The following SLC22A23 variants were observed in gnomAD, a reference collection of about 807,000 sequenced individuals.
SLC22A23 encodes the protein solute carrier family 22 member 23.
A neutral mutation model predicts 61.0 loss-of-function variants in SLC22A23; 26 were observed. The ratio of observed to expected loss-of-function variants is 0.43; its 90% CI spans 0.31 to 0.59. SLC22A23 has a LOEUF of 0.59. SLC22A23 is among the 20% of genes least tolerant of loss of function. The pLI is 0.11. For synonymous variants in SLC22A23, 430 were observed against 413.9 expected, an observed-to-expected ratio of 1.04 and a Z score of -0.47; for missense variants, 796 against 934.7, an observed-to-expected ratio of 0.85 and a Z score of 1.94.
chr6:3,449,044 C>T (rs1772049529), intron 1 of SLC22A23, among the ~76,000 whole-genome samples: 1 of 152,198 alleles, frequency 6.6e-6, no homozygotes, highest in Non-Finnish European at 1.5e-5. Context: ...CTAATCCTTA[C>T]ATTAATAAGG....
At chr6:3,435,002 A>C (rs1771113592) in intron 1 of SLC22A23, among the ~76,000 whole-genome samples, 1 of 152,104 alleles carries the variant, frequency 6.6e-6, no homozygotes. Flanking sequence ...GCCCCAACCC[A>C]TCCACACTGC....
chr6:3,456,295 C>T lies in SLC22A23; in HGVS notation c.265G>A (p.Gly89Arg), dbSNP rs1482547202. 6.4e-7 allele frequency: 1 copy of T among 1,551,076 alleles called. No homozygotes were observed. Among genetic ancestry groups the T allele is most frequent in the Admixed American group, 2.0e-5 (1 of 50,988 alleles). The change falls in exon 1 of 10, where the codon GGG becomes AGG. Residue 89 changes from glycine to arginine, a missense_variant. Physicochemically the swap from Gly to Arg is moderately radical, Grantham distance 125. Transcript: ENST00000406686. The surrounding 1 kb of genome is among the most constrained non-coding windows in gnomAD (Gnocchi z 7.1). The part of the protein sequence containing the change: ...DYDGSVLPFL[G>R]GLGGGYQKTL... ...TTCTGATAGCCCCCGCCCAGGCCCC[C>T]GAGGAAGGGCAGCACCGACCCGTCA...
Position 3,305,467 on chromosome 6 carries a change from A to G in SLC22A23, c.1083-7249T>C, listed in dbSNP as rs191902495. Among the ~76,000 whole-genome samples the G allele has an allele frequency of 2.1e-3, 323 of 152,266 alleles. 2 individuals carry two copies. The highest frequency in any genetic ancestry group is 3.7e-3 in the Non-Finnish European group (252 of 68,022). On this transcript the variant is annotated intron_variant, in intron 4 of 9. Coordinates refer to ENST00000406686, the MANE Select transcript of SLC22A23 (RefSeq NM_015482.2). ...CTTAAGTTTTATGACGCGCTCCGTG[A>G]ATTTAAATTTGCTGCAAAATCATGA...
chr6:3,330,578 G>A lies in SLC22A23; in HGVS notation c.914-6576C>T, dbSNP rs186997185. Among the ~76,000 whole-genome samples the A allele has an allele frequency of 6.6e-6, 1 of 152,326 alleles. No individual in the cohort carries two copies. The highest frequency in any genetic ancestry group is 2.4e-5 in the African/African-American group (1 of 41,566). On this transcript the variant is annotated intron_variant, in intron 3 of 9. Transcript: ENST00000406686. The surrounding 1 kb of genome is among the most constrained non-coding windows in gnomAD (Gnocchi z 4.7). ...TTACTGCCACAGGCAAGGACGCATGGCCCCCAGAATCCTGGAAAATAGACT... is the reference window on the plus strand; with the variant it reads ...TTACTGCCACAGGCAAGGACGCATGACCCCCAGAATCCTGGAAAATAGACT...
At chr6:3,321,241 C>T (rs1762929226) in intron 4 of SLC22A23, among the ~76,000 whole-genome samples, 2 of 152,218 alleles carry the variant, frequency 1.3e-5, no homozygotes, top group African/African-American at 4.8e-5. Flanking sequence ...CATGAGACAA[C>T]GCGGGCTCAG....
At position 3,427,357 on chromosome 6, in the gene SLC22A23, C is replaced by G. The variant is rs1333198044; in HGVS notation, c.655-11502G>C. Among the ~76,000 whole-genome samples the G allele has an allele frequency of 6.6e-6, 1 of 150,660 alleles. No homozygotes were observed. Among genetic ancestry groups the G allele is most frequent in the Non-Finnish European group, 1.5e-5 (1 of 67,484 alleles). On this transcript the variant is annotated intron_variant, in intron 1 of 9. Transcript: ENST00000406686. This position sits in a 1 kb window ranked among gnomAD's most constrained non-coding sequence, Gnocchi z 4.3. ...CATTTTGGATCTGAGAGTAATAAAA[C>G]TACTTCAAAAAGGGTTTTGATTACT... is the stretch of plus-strand genomic sequence containing the variant.
intron 3 of SLC22A23, among the ~76,000 whole-genome samples, chr6:3,363,555 C>T (rs1308183726): frequency 3.3e-5 from 5 of 152,202 alleles, no homozygotes; most frequent in African/African-American, 1.2e-4. Flanking sequence ...CTGCTGCCTG[C>T]GGCTGGCCCT....
At chr6:3,383,155 A>G (rs912364875) in intron 3 of SLC22A23, among the ~76,000 whole-genome samples, 10 of 152,212 alleles carry the variant, frequency 6.6e-5, no homozygotes, top group African/African-American at 2.4e-4. Context: ...ATAAAGCTAT[A>G]AAGATCAACA....
chr6:3,286,674 G>T lies in SLC22A23; in HGVS notation c.1546+185C>A, dbSNP rs962184269. Among the ~76,000 whole-genome samples, 1 of 152,206 alleles carries T rather than the reference G, an allele frequency of 6.6e-6. No homozygotes were observed. The highest frequency in any genetic ancestry group is 1.5e-5 in the Non-Finnish European group (1 of 68,032). On this transcript the variant is annotated intron_variant, in intron 7 of 9. Transcript: ENST00000406686. This position sits in a 1 kb window ranked among gnomAD's most constrained non-coding sequence, Gnocchi z 4.2. ...GGGCAGGGGCAGGGGGAGGCGGGAA[G>T]GCCCAGTGCCCTCTAAGGCGGGCTC... is the stretch of plus-strand genomic sequence containing the variant.
intron 6 of SLC22A23, among the ~76,000 whole-genome samples, chr6:3,288,668 A>C (rs1432754350): frequency 2.0e-5 from 3 of 152,228 alleles, no homozygotes; most frequent in Admixed American, 6.5e-5. Flanking sequence ...CTTATGTCAA[A>C]TTTCATGTTT....
chr6:3,346,271 C>T (rs748602126), intron 3 of SLC22A23, among the ~76,000 whole-genome samples: 44 of 152,210 alleles, frequency 2.9e-4, no homozygotes, highest in Non-Finnish European at 6.0e-4. Context: ...TCATGTACCT[C>T]TAAAACCCAG....
At chr6:3,299,998 C>CTTTTTTTTTTTTTTTTTTTTTTT in intron 4 of SLC22A23, among the ~76,000 whole-genome samples, 1 of 78,804 alleles carries the variant, frequency 1.3e-5, no homozygotes, top group Admixed American at 1.9e-4. Context: ...TCAGGATAGA[C>CTTTTTTTTTTTTTTTTTTTTTTT]TTTTTTTTTT....
At chr6:3,295,582 A>T (rs1422444117) in intron 5 of SLC22A23, among the ~76,000 whole-genome samples, 1 of 152,174 alleles carries the variant, frequency 6.6e-6, no homozygotes, top group Non-Finnish European at 1.5e-5. Flanking sequence ...CCAGGGCGCG[A>T]GAGGGTGACA....
chr6:3,347,719 G>A (rs962050093), intron 3 of SLC22A23, among the ~76,000 whole-genome samples: 4 of 151,698 alleles, frequency 2.6e-5, no homozygotes, highest in African/African-American at 9.7e-5. Flanking sequence ...ATTTTTTTAT[G>A]ACTTCATATT....
rs201672266 is a variant in SLC22A23 at position 3,287,687 on chromosome 6, G to A, written c.1314-596C>T. ...TCCACAGGAAACTGTTTTTTTTTTT[G>A]TTTTGTTTTGTTTTTGAGTAGAGCC... On this transcript the variant is annotated intron_variant, in intron 6 of 9. Coordinates refer to ENST00000406686, the MANE Select transcript of SLC22A23 (RefSeq NM_015482.2). 7.4e-5 allele frequency among the ~76,000 whole-genome samples: 8 copies of A among 107,914 alleles called. No homozygotes were observed. In the East Asian group the frequency reaches 1.0e-3, roughly 14 times the overall value. The allele number at this position is 107,914 out of a possible 152,430, so 70.8% of individuals were successfully genotyped here. A position where few individuals can be genotyped will look rare whatever the true frequency, so the allele number is the denominator to read the frequency against.
intron 9 of SLC22A23, among the ~76,000 whole-genome samples, chr6:3,274,189 C>T (rs900479379): frequency 3.3e-5 from 5 of 152,204 alleles, no homozygotes; most frequent in Non-Finnish European, 7.3e-5. Flanking sequence ...TTACAGAACC[C>T]CTATCCCTCA....
intron 3 of SLC22A23, among the ~76,000 whole-genome samples, chr6:3,391,062 C>T (rs1201284473): frequency 1.3e-5 from 2 of 152,234 alleles, no homozygotes; most frequent in Non-Finnish European, 2.9e-5. Flanking sequence ...CCTGTCCCTT[C>T]TCTCACGGAG....
chr6:3,445,023 G>A (rs1030511272), intron 1 of SLC22A23: 38 of 971,872 alleles, frequency 3.9e-5, no homozygotes, highest in Non-Finnish European at 4.4e-5. Flanking sequence ...TGCCAGGTAC[G>A]TGGGGGTGGG....
At chr6:3,367,582 A>G (rs1765918227) in intron 3 of SLC22A23, among the ~76,000 whole-genome samples, 2 of 152,192 alleles carry the variant, frequency 1.3e-5, no homozygotes, top group African/African-American at 4.8e-5. Flanking sequence ...ATGACTTTAC[A>G]GTCCGGAGAG....
Sources: gnomAD v4.1 joint callset for allele counts (sites outside exome capture counted in the v4.1 genomes callset) on GRCh38, gnomAD v4.1.1 for gene constraint, Gnocchi (gnomAD v3.1) non-coding constraint, MANE v1.5 for transcripts, NCBI Gene and HGNC (gene_info 2026-07-23, HGNC 2026-07-21) for gene names.